Variants in SYNE2 observed in about 807,000 individuals in gnomAD.
SYNE2 encodes the protein spectrin repeat containing nuclear envelope protein 2, also known as nesprin-2.
Under a neutral mutation model 856.3 loss-of-function variants are expected in SYNE2, and 431 were observed. The observed-to-expected ratio is 0.50, with a 90% CI of 0.47 to 0.55. SYNE2 has a LOEUF of 0.55. Among genes scored for constraint, SYNE2 ranks in the 20% least tolerant of loss-of-function variants. The probability of loss-of-function intolerance (pLI) is 0.00; values close to 1 mark genes in which losing one functional copy is unlikely to be tolerated. For missense variants in SYNE2, 8,129 were observed against 8,023.2 expected (o/e 1.01, Z -0.50); for synonymous variants, 2,923 against 2,872.3 (o/e 1.02, Z -0.56).
At chr14:63,964,967 T>TC (rs2096371046) in intron 10 of SYNE2, among the ~76,000 whole-genome samples, 1 of 150,588 alleles carries the variant, frequency 6.6e-6, no homozygotes, top group Admixed American at 6.6e-5. Flanking sequence ...CATTTCTTTT[T>TC]TTTTTTTTTT....
chr14:64,137,236 G>A (rs2098100911), intron 78 of SYNE2, among the ~76,000 whole-genome samples: 1 of 152,168 alleles, frequency 6.6e-6, no homozygotes, highest in Non-Finnish European at 1.5e-5. Flanking sequence ...GTCTCGCTCT[G>A]TCGCTCAGGC....
At chr14:64,060,885 T>G (rs1340152685) in intron 49 of SYNE2, among the ~76,000 whole-genome samples, 1 of 152,202 alleles carries the variant, frequency 6.6e-6, no homozygotes, top group Non-Finnish European at 1.5e-5. Flanking sequence ...GGGTGCTGGC[T>G]GAGTTTTGTC....
Position 64,120,958 on chromosome 14 carries a change from C to A in SYNE2, c.13055C>A (p.Pro4352Gln), listed in dbSNP as rs750051321. The A allele has an allele frequency of 1.2e-6, 2 of 1,614,014 alleles. No homozygotes were observed. Among genetic ancestry groups the A allele is most frequent in the Non-Finnish European group, 1.7e-6 (2 of 1,179,920 alleles). The change falls in exon 68 of 116, where the codon CCA becomes CAA. Residue 4352 changes from proline to glutamine, a missense_variant. Physicochemically the swap from Pro to Gln is moderately conservative, Grantham distance 76. This residue lies in a region of SYNE2 where 5,410 missense variants were observed against 5,284.8 expected (regional missense o/e 1.02). Transcript: ENST00000555002. Reference sequence around the variant, plus strand: ...ACCATTCTAAAGAAATCCTCAGAGCCAGAGCATCAAGAAGCTCTCCAACCA... The same window carrying A: ...ACCATTCTAAAGAAATCCTCAGAGCAAGAGCATCAAGAAGCTCTCCAACCA... ...HPTILKKSSE[P>Q]EHQEALQPVN...
At chr14:64,060,056 G>A (rs2097304232) in intron 49 of SYNE2, among the ~76,000 whole-genome samples, 1 of 152,150 alleles carries the variant, frequency 6.6e-6, no homozygotes, top group Non-Finnish European at 1.5e-5. Context: ...AGGACAGTGG[G>A]CTCGCTCCTC....
In SYNE2 at chr14:63,976,740, A is replaced by G; in HGVS notation, c.1293+13A>G. On this transcript the variant is annotated intron_variant, in intron 12 of 115. Transcript: ENST00000555002. The stretch of plus-strand genomic sequence containing the variant: ...GACTTTATTCAAGGTTGGAAAAGAA[A>G]AAAAAGAGATGTAGGAAAATACATA... The G allele has an allele frequency of 3.1e-6, 5 of 1,612,800 alleles. No individual in the cohort carries two copies. The highest frequency in any genetic ancestry group is 4.2e-6 in the Non-Finnish European group (5 of 1,178,922).
chr14:64,026,149 G>A (rs527865653), intron 41 of SYNE2, among the ~76,000 whole-genome samples: 49 of 152,146 alleles, frequency 3.2e-4, no homozygotes, highest in African/African-American at 1.1e-3. Flanking sequence ...AAGTGAGAAC[G>A]AGAATTAATT....
chr14:63,885,465 C>G (rs1754630113), intron 1 of SYNE2, among the ~76,000 whole-genome samples: 1 of 152,202 alleles, frequency 6.6e-6, no homozygotes, highest in Non-Finnish European at 1.5e-5. Flanking sequence ...GGATGGCACT[C>G]TTGCATTGCC....
At position 64,022,764 on chromosome 14, in the gene SYNE2, C is replaced by A; in HGVS notation, c.5538C>A (p.Asn1846Lys). Residue 1846 changes from asparagine to lysine, a missense_variant, in exon 38 of 116, where the codon AAC becomes AAA. Coordinates refer to ENST00000555002, the MANE Select transcript of SYNE2 (RefSeq NM_182914.3). ...TTCCCCCTGCAGATCAATGCAAGAA[C>A]TTTAATGACTGGTTCAGCAACATTA... ...FSKLLNDQCKNFNDWFSNIKV... is the reference protein window; with the variant it reads ...FSKLLNDQCKKFNDWFSNIKV... 6.3e-7 allele frequency: 1 copy of A among 1,597,538 alleles called. No homozygotes were observed. The highest frequency in any genetic ancestry group is 8.6e-7 in the Non-Finnish European group (1 of 1,166,078).
chr14:63,943,409 A>G (rs2153420255), intron 6 of SYNE2, among the ~76,000 whole-genome samples: 1 of 152,312 alleles, frequency 6.6e-6, no homozygotes, highest in African/African-American at 2.4e-5. Context: ...TATTTTAAAA[A>G]TAACTTAGGA....
chr14:64,130,200 A>C lies in SYNE2; in HGVS notation c.14292A>C (p.Lys4764Asn). The change falls in exon 76 of 116, where the codon AAA (lysine) becomes AAC (asparagine). Residue 4764 changes from lysine to asparagine, a missense_variant. Physicochemically the swap from Lys to Asn is moderately conservative, Grantham distance 94. Transcript: ENST00000555002. ...GKEKLAHGHL[K>N]QTKSKVALQA... ...AAAAGCTTGCTCATGGCCACTTAAA[A>C]CAAACCAAAAGTAAAGTGGCGTTAC... 6.2e-7 allele frequency: 1 copy of C among 1,614,006 alleles called. No individual in the cohort carries two copies. Among genetic ancestry groups the C allele is most frequent in the Non-Finnish European group, 8.5e-7 (1 of 1,179,970 alleles).
intron 14 of SYNE2, among the ~76,000 whole-genome samples, 194 bp from the exon 15 acceptor site, chr14:63,980,460 A>T (rs1303341196): frequency 6.6e-6 from 1 of 152,170 alleles, no homozygotes; most frequent in East Asian, 1.9e-4. Flanking sequence ...GACCTATTTA[A>T]TGTTCACACT....
chr14:64,175,361 C>T (rs1176138427), intron 95 of SYNE2, among the ~76,000 whole-genome samples: 1 of 152,074 alleles, frequency 6.6e-6, no homozygotes, highest in Non-Finnish European at 1.5e-5. Flanking sequence ...TATTAAGATA[C>T]TTACTTTTAT....
Position 64,221,648 on chromosome 14 carries a change from G to A in SYNE2, c.20134G>A (p.Val6712Ile). The A allele has an allele frequency of 1.9e-6, 3 of 1,614,188 alleles. No individual in the cohort carries two copies. Among genetic ancestry groups the A allele is most frequent in the Non-Finnish European group, 2.5e-6 (3 of 1,180,038 alleles). ...CAAGAACCGGAGGCAGAAGGCTCATGTCACCGATCCAAAGGCAGACCCCCG... is the reference window on the plus strand; with the variant it reads ...CAAGAACCGGAGGCAGAAGGCTCATATCACCGATCCAAAGGCAGACCCCCG... The part of the protein sequence containing the change: ...SAKNRRQKAH[V>I]TDPKADPRAL... The change falls in exon 112 of 116, where the codon GTC (valine) becomes ATC (isoleucine). Residue 6712 changes from valine (V) to isoleucine (I), a missense_variant. Physicochemically the swap from Val to Ile is conservative, Grantham distance 29 (BLOSUM62 3). Transcript: ENST00000555002.
chr14:64,021,426 G>A lies in SYNE2; in HGVS notation c.5263G>A (p.Asp1755Asn), dbSNP rs746820797. The part of the protein sequence containing the change: ...GSTAELREDL[D>N]QAKTQIGMTE... ...CACTGCTGAGCTAAGGGAGGATCTC[G>A]ACCAAGCCAAGACCCAGATCGGGAT... Residue 1755 changes from aspartate (D) to asparagine (N), a missense_variant, in exon 36 of 116, where the codon GAC (aspartate) becomes AAC (asparagine). Physicochemically the swap from Asp to Asn is conservative, Grantham distance 23 (BLOSUM62 1). Transcript: ENST00000555002. 19 of 1,614,000 alleles carry A rather than the reference G, an allele frequency of 1.2e-5. No individual in the cohort carries two copies. The highest frequency in any genetic ancestry group is 1.6e-4 in the Middle Eastern group (1 of 6,082).
At position 64,167,352 on chromosome 14, in the gene SYNE2, G is replaced by A. The variant is rs1183291139; in HGVS notation, c.16725G>A (p.Trp5575Ter). The A allele has an allele frequency of 6.2e-7, 1 of 1,614,198 alleles. No homozygotes were observed. The highest frequency in any genetic ancestry group is 8.5e-7 in the Non-Finnish European group (1 of 1,180,042). Residue 5575 changes from tryptophan (W) to a stop codon, truncating the protein, a stop_gained, in exon 91 of 116, where the codon TGG becomes TGA. Transcript: ENST00000555002. LOFTEE classifies it high-confidence loss of function. ...CGTTACAAAATATGAACCGGCAATGGATTCGGGCCACGGCCACGGCACTGG... is the reference window on the plus strand; with the variant it reads ...CGTTACAAAATATGAACCGGCAATGAATTCGGGCCACGGCCACGGCACTGG... ...VKTLQNMNRQ[W>*]IRATATALER...
chr14:64,200,807 A>C (rs533648618), intron 99 of SYNE2, among the ~76,000 whole-genome samples: 1 of 152,346 alleles, frequency 6.6e-6, no homozygotes, highest in South Asian at 2.1e-4. Flanking sequence ...CCAGTGAAGG[A>C]AGGTACTACT....
rs756487517 is a variant in SYNE2, at chr14:64,175,062, G to A, written c.17354G>A (p.Ser5785Asn). The A allele has an allele frequency of 1.9e-6, 3 of 1,614,180 alleles. No homozygotes were observed. The highest frequency in any genetic ancestry group is 2.5e-6 in the Non-Finnish European group (3 of 1,180,030). Residue 5785 changes from serine to asparagine, a missense_variant, in exon 95 of 116, where the codon AGT becomes AAT. By Grantham distance (46) the Ser-to-Asn change is conservative. Coordinates refer to ENST00000555002, the MANE Select transcript of SYNE2 (RefSeq NM_182914.3). ...KTKESVGRRI[S>N]QLQDSWKDME... Reference sequence around the variant, plus strand: ...AAAGAGTCTGTGGGTAGGAGAATCAGTCAACTTCAGGACAGCTGGAAAGAC... The same window carrying A: ...AAAGAGTCTGTGGGTAGGAGAATCAATCAACTTCAGGACAGCTGGAAAGAC...
chr14:63,783,193 G>C (rs1887379526), intron 1 of SYNE2, among the ~76,000 whole-genome samples: 1 of 152,140 alleles, frequency 6.6e-6, no homozygotes, highest in African/African-American at 2.4e-5. Context: ...GTTCTCGCGA[G>C]ATCTGATCGT....
At chr14:64,094,098 C>T (rs2097655131) in intron 61 of SYNE2, among the ~76,000 whole-genome samples, 2 of 151,778 alleles carry the variant, frequency 1.3e-5, no homozygotes, top group African/African-American at 4.8e-5. Context: ...TTTGGGAGGC[C>T]GAGGCGGGCA....
Sources: allele counts gnomAD v4.1 joint callset (sites outside exome capture counted in the v4.1 genomes callset), GRCh38; gene constraint gnomAD v4.1.1; regional missense constraint gnomAD v4.1.1; transcripts MANE v1.5; gene names NCBI Gene and HGNC (gene_info 2026-07-23, HGNC 2026-07-21).